Variants in RALGPS1 observed in about 807,000 individuals in gnomAD.
The protein encoded by RALGPS1 is ras-specific guanine nucleotide-releasing factor RalGPS1.
Under a neutral mutation model 78.8 loss-of-function variants are expected in RALGPS1, and 19 were observed. The ratio of observed to expected loss-of-function variants is 0.24; its 90% confidence interval spans 0.17 to 0.35. The LOEUF is 0.35. Ranked by LOEUF, RALGPS1 falls within the 10% of genes least tolerant of loss-of-function variation. The probability of loss-of-function intolerance (pLI) is 1.00; values close to 1 mark genes in which losing one functional copy is unlikely to be tolerated. For synonymous variants in RALGPS1, 228 were observed against 256.3 expected (o/e 0.89, Z 1.06); for missense variants, 454 against 688.3 (o/e 0.66, Z 3.81).
At chr9:126,958,705 ATG>A in intron 1 of RALGPS1, among the ~76,000 whole-genome samples, 1 of 152,342 alleles carries the variant, frequency 6.6e-6, no homozygotes, top group East Asian at 1.9e-4. Flanking sequence ...TTTGGCTTTT[ATG>A]AATAATGGTG....
chr9:127,138,963 T>A (rs1321239314), intron 8 of RALGPS1, among the ~76,000 whole-genome samples: 2 of 152,276 alleles, frequency 1.3e-5, no homozygotes, highest in African/African-American at 2.4e-5. Context: ...ATTCCTGTTC[T>A]GGTCCTGTCA....
chr9:127,173,027 G>T lies in RALGPS1; in HGVS notation c.843-1688G>T, dbSNP rs544683339. Among the ~76,000 whole-genome samples, 3 of 152,302 alleles carry T rather than the reference G, an allele frequency of 2.0e-5. No homozygotes were observed. The East Asian group carries it at 5.8e-4, about 29-fold the overall frequency. Reference sequence around the variant, plus strand: ...TGGCCCTCCTCCCATGTGTGTGAGGGGGGAAACCCTTACTGCTAGCTGGGA... The same window carrying T: ...TGGCCCTCCTCCCATGTGTGTGAGGTGGGAAACCCTTACTGCTAGCTGGGA... On this transcript the variant is annotated intron_variant, in intron 10 of 18. Transcript: ENST00000259351.
At chr9:127,080,836 T>G (rs1018386043) in intron 8 of RALGPS1, among the ~76,000 whole-genome samples, 1 of 152,224 alleles carries the variant, frequency 6.6e-6, no homozygotes, top group Admixed American at 6.5e-5. Context: ...CACTGGAATA[T>G]TGTGGATTTC....
At position 127,069,124 on chromosome 9, in the gene RALGPS1, C is replaced by T. The variant is rs947447463; in HGVS notation, c.484-106C>T. On this transcript the variant is annotated intron_variant, in intron 7 of 18. Transcript: ENST00000259351. The stretch of plus-strand genomic sequence containing the variant: ...TAGTTCTGTCCAGGATTCGGCACAC[C>T]ATAGATATGTCACTTAGGATTTTCC... The T allele has an allele frequency of 3.5e-6, 4 of 1,141,046 alleles. No homozygotes were observed. In the African/African-American group the frequency reaches 4.7e-5, roughly 13 times the overall value. 70.7% of individuals were successfully genotyped at this position (1,141,046 alleles called of 1,614,324 possible). A position where few individuals can be genotyped will look rare whatever the true frequency, so the allele number is the denominator to read the frequency against.
chr9:126,978,906 C>A (rs2040948323), intron 4 of RALGPS1, among the ~76,000 whole-genome samples: 1 of 152,180 alleles, frequency 6.6e-6, no homozygotes, highest in Non-Finnish European at 1.5e-5. Context: ...GTCCAGTCAC[C>A]TAAGGCCAAG....
At chr9:126,972,151 G>A (rs1458376038) in intron 3 of RALGPS1, among the ~76,000 whole-genome samples, 1 of 152,162 alleles carries the variant, frequency 6.6e-6, no homozygotes, top group African/African-American at 2.4e-5. Context: ...AGGAATAGGA[G>A]GGTTTGTGGC....
At chr9:127,159,255 C>T (rs2058878296) in intron 8 of RALGPS1, among the ~76,000 whole-genome samples, 1 of 152,156 alleles carries the variant, frequency 6.6e-6, no homozygotes, top group Non-Finnish European at 1.5e-5. Context: ...AGTGGGTTAC[C>T]TCTTTGTGCC....
intron 1 of RALGPS1, among the ~76,000 whole-genome samples, chr9:126,957,621 G>A (rs946354178): frequency 2.4e-4 from 37 of 152,324 alleles, no homozygotes; most frequent in Non-Finnish European, 4.6e-4. Context: ...GACAGGCTGA[G>A]TTGGTCAGCC....
At chr9:127,010,701 C>T (rs1258817882) in intron 4 of RALGPS1, among the ~76,000 whole-genome samples, 2 of 152,178 alleles carry the variant, frequency 1.3e-5, no homozygotes, top group Non-Finnish European at 2.9e-5. Context: ...GGCTGGGAGC[C>T]CACAGAGGAG....
intron 8 of RALGPS1, among the ~76,000 whole-genome samples, chr9:127,118,056 A>T (rs1229078063): frequency 1.3e-5 from 2 of 152,154 alleles, no homozygotes; most frequent in African/African-American, 4.8e-5. Flanking sequence ...CACACCCAAC[A>T]TTTTATTTTT....
intron 1 of RALGPS1, among the ~76,000 whole-genome samples, chr9:126,945,849 C>A (rs532063982): frequency 1.2e-4 from 19 of 152,226 alleles, no homozygotes; most frequent in African/African-American, 2.2e-4. Context: ...CAGACATCGT[C>A]TTCTCTTATC....
chr9:127,110,948 A>C (rs1263806160), intron 8 of RALGPS1, among the ~76,000 whole-genome samples: 5 of 152,076 alleles, frequency 3.3e-5, no homozygotes, highest in African/African-American at 7.2e-5. Flanking sequence ...TCACAGCCAG[A>C]GTGGTCCTTT....
chr9:126,999,625 A>G (rs1022253396), intron 4 of RALGPS1, among the ~76,000 whole-genome samples: 3 of 152,134 alleles, frequency 2.0e-5, no homozygotes, highest in South Asian at 2.1e-4. Flanking sequence ...ATAAGCATTT[A>G]TGTTTTCTTC....
intron 11 of RALGPS1, among the ~76,000 whole-genome samples, chr9:127,190,499 T>A (rs1040194344): frequency 6.6e-6 from 1 of 150,926 alleles, no homozygotes; most frequent in East Asian, 1.9e-4. Flanking sequence ...AGGTTTTGTA[T>A]TTTTTTTTAG....
intron 1 of RALGPS1, among the ~76,000 whole-genome samples, chr9:126,928,391 T>C (rs891928697): frequency 1.3e-5 from 2 of 152,102 alleles, no homozygotes; most frequent in African/African-American, 4.8e-5. Flanking sequence ...GGAATTAATA[T>C]TGGTTGAGCT....
intron 11 of RALGPS1, among the ~76,000 whole-genome samples, chr9:127,188,768 C>G (rs2060828222): frequency 6.8e-6 from 1 of 146,182 alleles, no homozygotes; most frequent in South Asian, 2.2e-4. Flanking sequence ...GAGCTTGAGA[C>G]CAGCCTGGCC....
chr9:127,032,469 C>T (rs980508760), intron 4 of RALGPS1, among the ~76,000 whole-genome samples: 1 of 152,192 alleles, frequency 6.6e-6, no homozygotes, highest in Admixed American at 6.5e-5. Context: ...GGGCAACAAC[C>T]GTGCCTCAGT....
intron 4 of RALGPS1, among the ~76,000 whole-genome samples, chr9:126,997,494 A>G (rs1448905644): frequency 2.0e-5 from 3 of 152,208 alleles, no homozygotes; most frequent in African/African-American, 7.2e-5. Context: ...GGAGAACTAC[A>G]AACCACTGCT....
chr9:127,061,893 G>A (rs1406593519), intron 7 of RALGPS1, among the ~76,000 whole-genome samples: 1 of 152,138 alleles, frequency 6.6e-6, no homozygotes, highest in Non-Finnish European at 1.5e-5. Context: ...TATATCAGGG[G>A]ATCGATCTCA....
Sources: allele counts gnomAD v4.1 joint callset (sites outside exome capture counted in the v4.1 genomes callset), GRCh38; gene constraint gnomAD v4.1.1; transcripts MANE v1.5; gene names NCBI Gene and HGNC (gene_info 2026-07-23, HGNC 2026-07-21).